The following ABCA12 variants were observed in gnomAD, a reference collection of about 807,000 sequenced individuals.
ABCA12 encodes glucosylceramide transporter ABCA12.
In ABCA12, 156 loss-of-function variants were observed where a neutral mutation model predicts 293.5. That is an observed-to-expected ratio of 0.53 (90% CI 0.47 to 0.61). ABCA12 has a LOEUF of 0.61. Among genes scored for constraint, ABCA12 ranks in the 20% least tolerant of loss-of-function variants. The pLI is 0.00. For missense variants in ABCA12, 2,797 were observed against 3,090.2 expected (o/e 0.91, Z 2.25); for synonymous variants, 1,063 against 1,108.0 (o/e 0.96, Z 0.81).
At chr2:215,050,655 C>A (rs1575011200) in intron 5 of ABCA12, 4 of 358,586 alleles carry the variant, frequency 1.1e-5, no homozygotes, top group Non-Finnish European at 1.6e-5. Context: ...TATTACAAAA[C>A]CTACATGCTA....
rs1479446618 is a variant in ABCA12 at position 214,983,675 on chromosome 2, T to C, written c.4354A>G (p.Lys1452Glu). The C allele has an allele frequency of 1.2e-6, 2 of 1,614,160 alleles. No homozygotes were observed. The highest frequency in any genetic ancestry group is 2.2e-5 in the East Asian group (1 of 44,876). Residue 1452 changes from lysine to glutamate, a missense_variant, in exon 29 of 53, where the codon AAA becomes GAA. Coordinates refer to ENST00000272895, the MANE Select transcript of ABCA12 (RefSeq NM_173076.3). ...TTTACTTCCTCGTGGAGCTGCTTTT[T>C]AGTCCAGTGAGGAACTTTGATGGAA... is the stretch of plus-strand genomic sequence containing the variant. Reference protein sequence around the residue: ...YGSIKVPHWTKKQLHEEVKRT... With the variant: ...YGSIKVPHWTEKQLHEEVKRT...
At chr2:215,048,715 A>T (rs901378478) in intron 6 of ABCA12, among the ~76,000 whole-genome samples, 1 of 152,104 alleles carries the variant, frequency 6.6e-6, no homozygotes, top group African/African-American at 2.4e-5. Context: ...AAAAAACAAA[A>T]AACAAAGCAA....
chr2:215,085,868 C>G (rs991326675), intron 2 of ABCA12, among the ~76,000 whole-genome samples: 7 of 151,996 alleles, frequency 4.6e-5, no homozygotes, highest in African/African-American at 1.7e-4. Flanking sequence ...CTTGAAGAGT[C>G]AAATAATGTT....
intron 37 of ABCA12, 73 bp downstream of exon 37, chr2:214,970,200 T>C: frequency 2.1e-6 from 3 of 1,443,466 alleles, no homozygotes; most frequent in Non-Finnish European, 2.8e-6. Flanking sequence ...AATTTGTATC[T>C]ATTGTCTCTT....
At position 214,983,723 on chromosome 2, in the gene ABCA12, T is replaced by C; in HGVS notation, c.4306A>G (p.Lys1436Glu). The C allele has an allele frequency of 6.2e-7, 1 of 1,614,088 alleles. No homozygotes were observed. The highest frequency in any genetic ancestry group is 8.5e-7 in the Non-Finnish European group (1 of 1,180,010). The change falls in exon 29 of 53, where the codon AAG (lysine) becomes GAG (glutamate). Residue 1436 changes from lysine to glutamate, a missense_variant. Coordinates refer to ENST00000272895, the MANE Select transcript of ABCA12 (RefSeq NM_173076.3). ...GAACCATATAGGAGAAGGTGCTCCTTAGTAGTGAGGTAACTGAACAAGACG... is the reference window on the plus strand; with the variant it reads ...GAACCATATAGGAGAAGGTGCTCCTCAGTAGTGAGGTAACTGAACAAGACG... ...HDVLFSYLTT[K>E]EHLLLYGSIK...
intron 3 of ABCA12, among the ~76,000 whole-genome samples, chr2:215,056,951 A>T (rs939565610): frequency 3.3e-5 from 5 of 152,020 alleles, no homozygotes; most frequent in African/African-American, 1.2e-4. Flanking sequence ...TACTTCACAC[A>T]AGCACTTAGT....
chr2:215,005,675 C>A (rs1474174846), intron 19 of ABCA12, among the ~76,000 whole-genome samples: 1 of 152,118 alleles, frequency 6.6e-6, no homozygotes, highest in Non-Finnish European at 1.5e-5. Context: ...ATCCATTAAA[C>A]CCTATTTCAA....
intron 39 of ABCA12, among the ~76,000 whole-genome samples, chr2:214,964,146 C>T (rs1292191698): frequency 3.3e-5 from 5 of 152,070 alleles, no homozygotes; most frequent in Non-Finnish European, 7.4e-5. Flanking sequence ...AAGATTATCT[C>T]CATAGACGCG....
At position 215,060,878 on chromosome 2, in the gene ABCA12, C is replaced by T. The variant is rs536184824; in HGVS notation, c.317+3188G>A. ...TTCTGCAAGAGCCATATAATAGGAGCAGAGGTACGAATTTAGAAGCCGCAG... is the reference window on the plus strand; with the variant it reads ...TTCTGCAAGAGCCATATAATAGGAGTAGAGGTACGAATTTAGAAGCCGCAG... On this transcript the variant is annotated intron_variant, in intron 3 of 52. Transcript: ENST00000272895. Among the ~76,000 whole-genome samples the T allele has an allele frequency of 3.9e-5, 6 of 152,168 alleles. No individual in the cohort carries two copies. In the South Asian group the frequency reaches 1.2e-3, roughly 32 times the overall value.
chr2:215,066,115 C>T (rs762543742), intron 2 of ABCA12, among the ~76,000 whole-genome samples: 5 of 152,034 alleles, frequency 3.3e-5, no homozygotes, highest in South Asian at 2.1e-4. Flanking sequence ...GTCATCCCTC[C>T]GAAACAAAAT....
At chr2:214,933,647 A>T (rs1206847226) in intron 52 of ABCA12, among the ~76,000 whole-genome samples, 4 of 152,168 alleles carry the variant, frequency 2.6e-5, no homozygotes, top group African/African-American at 4.8e-5. Flanking sequence ...TGCATTTACC[A>T]CTTTAATTGC....
chr2:215,001,531 C>T, intron 21 of ABCA12, 27 bp downstream of exon 21: 1 of 1,613,258 alleles, frequency 6.2e-7, no homozygotes, highest in Non-Finnish European at 8.5e-7. Context: ...CAAAGAGATG[C>T]TCAAACCCTA....
intron 8 of ABCA12, 46 bp downstream of exon 8, chr2:215,036,907 G>A (rs752868326): frequency 6.6e-7 from 1 of 1,517,704 alleles, no homozygotes; most frequent in Admixed American, 1.7e-5. Context: ...ATTTCCAATG[G>A]GCTTTGTGAC....
Position 215,064,152 on chromosome 2 carries a change from G to A in ABCA12, c.231C>T (p.Asp77=). ...GTGTGTCTTTGCATTTAGAGTCTGT[G>A]TCACAGAGTAGGGTCTGCAGGAATG... The part of the protein sequence containing the change: ...FFPFLQTLLC[D]TDSKCKDTPY... Residue 77 remains aspartate, a synonymous_variant, in exon 3 of 53, where the codon GAC becomes GAT. Transcript: ENST00000272895. The A allele has an allele frequency of 6.2e-7, 1 of 1,612,916 alleles. No homozygotes were observed.
At position 215,012,073 on chromosome 2, in the gene ABCA12, T is replaced by C. The variant is rs1225239905; in HGVS notation, c.2019A>G (p.Leu673=). 1.2e-6 allele frequency: 2 copies of C among 1,614,006 alleles called. No individual in the cohort carries two copies. The highest frequency in any genetic ancestry group is 2.2e-5 in the East Asian group (1 of 44,868). The part of the protein sequence containing the change: ...VEKMMELFIR[L]KEILNQMASG... Reference sequence around the variant, plus strand: ...AAGCCATCTGATTGAGAATCTCTTTTAGTCTTATGAAGAGCTCCATCATCT... The same window carrying C: ...AAGCCATCTGATTGAGAATCTCTTTCAGTCTTATGAAGAGCTCCATCATCT... The change falls in exon 16 of 53, where the codon CTA becomes CTG. Residue 673 remains leucine (L), a synonymous_variant. Coordinates refer to ENST00000272895, the MANE Select transcript of ABCA12 (RefSeq NM_173076.3).
At chr2:215,031,539 G>A (rs1700877105) in intron 9 of ABCA12, among the ~76,000 whole-genome samples, 1 of 152,112 alleles carries the variant, frequency 6.6e-6, no homozygotes, top group South Asian at 2.1e-4. Context: ...CATCCTCATA[G>A]GCATAAGGTA....
At chr2:215,020,944 C>T (rs1700617501) in intron 11 of ABCA12, 1 of 152,652 alleles carries the variant, frequency 6.6e-6, no homozygotes, top group Middle Eastern at 3.1e-3. Flanking sequence ...CCTCCAGGCT[C>T]AGGTGATCCT....
chr2:215,088,094 A>G (rs1412657533), intron 2 of ABCA12, among the ~76,000 whole-genome samples: 1 of 152,212 alleles, frequency 6.6e-6, no homozygotes, highest in Non-Finnish European at 1.5e-5. Context: ...CTTAGGTGCC[A>G]CACATTAGAG....
intron 39 of ABCA12, among the ~76,000 whole-genome samples, chr2:214,960,049 A>G (rs931640473): frequency 6.6e-5 from 10 of 152,182 alleles, no homozygotes; most frequent in Non-Finnish European, 1.5e-5. Flanking sequence ...AGGCCCTTGC[A>G]CAGCACTGAA....
Sources: allele counts gnomAD v4.1 joint callset (sites outside exome capture counted in the v4.1 genomes callset), GRCh38; gene constraint gnomAD v4.1.1; transcripts MANE v1.5; gene names NCBI Gene and HGNC (gene_info 2026-07-23, HGNC 2026-07-21).